The following ENTREP2 variants were observed in gnomAD, a reference collection of about 807,000 sequenced individuals.
The protein encoded by ENTREP2 is endosomal transmembrane epsin interactor 2.
the ENTREP2 span, among the ~76,000 whole-genome samples, chr15:29,416,701 TG>T: frequency 1.3e-5 from 2 of 151,888 alleles, no homozygotes; most frequent in African/African-American, 4.8e-5. Flanking sequence ...ACCATCAGAG[TG>T]AACAGGCAAC....
chr15:29,441,956 T>G, the ENTREP2 span, among the ~76,000 whole-genome samples: 959 of 152,218 alleles, frequency 6.3e-3, 7 homozygotes, highest in African/African-American at 0.023. Flanking sequence ...CACCCAACAT[T>G]TCCCATGAGC....
chr15:29,136,480 A>G, the ENTREP2 span: 3 of 1,548,532 alleles, frequency 1.9e-6, no homozygotes, highest in Non-Finnish European at 2.6e-6. Flanking sequence ...ATGGAGACGG[A>G]GCAAAGTCCA....
At chr15:29,168,628 G>A in the ENTREP2 span, among the ~76,000 whole-genome samples, 1 of 152,210 alleles carries the variant, frequency 6.6e-6, no homozygotes, top group Non-Finnish European at 1.5e-5. Flanking sequence ...GAGAAGGTAA[G>A]TGATTCATAG....
At chr15:29,292,356 C>A in the ENTREP2 span, among the ~76,000 whole-genome samples, 1 of 145,196 alleles carries the variant, frequency 6.9e-6, no homozygotes, top group African/African-American at 2.5e-5. Context: ...TCTTTCCTTC[C>A]TTCCTTCCTT....
At chr15:29,307,383 C>G in the ENTREP2 span, among the ~76,000 whole-genome samples, 2 of 152,084 alleles carry the variant, frequency 1.3e-5, no homozygotes, top group Admixed American at 6.5e-5. Flanking sequence ...CACTTTAACA[C>G]TGAAAGATGA....
At chr15:29,225,706 C>T in the ENTREP2 span, among the ~76,000 whole-genome samples, 5 of 152,320 alleles carry the variant, frequency 3.3e-5, no homozygotes, top group East Asian at 5.8e-4. Context: ...ACAACGCCCA[C>T]GGAACCGGGG....
chr15:29,602,322 G>T, the ENTREP2 span, among the ~76,000 whole-genome samples: 22 of 152,126 alleles, frequency 1.4e-4, no homozygotes, highest in African/African-American at 5.3e-4. Flanking sequence ...GAACTGTGTA[G>T]ATGTAACACA....
the ENTREP2 span, among the ~76,000 whole-genome samples, chr15:29,226,351 T>C: frequency 6.6e-6 from 1 of 152,228 alleles, no homozygotes; most frequent in Non-Finnish European, 1.5e-5. Context: ...GGAATCTCTT[T>C]ATCTATAATA....
the ENTREP2 span, among the ~76,000 whole-genome samples, chr15:29,256,291 C>T: frequency 3.9e-5 from 6 of 152,088 alleles, no homozygotes; most frequent in Admixed American, 6.6e-5. Flanking sequence ...ATGCAACACA[C>T]CCAGGTAACA....
chr15:29,160,511 C>G, the ENTREP2 span, among the ~76,000 whole-genome samples: 25 of 152,098 alleles, frequency 1.6e-4, no homozygotes, highest in Non-Finnish European at 2.8e-4. Flanking sequence ...GAGTTTGAAA[C>G]CAGCCTGGCC....
chr15:29,503,088 C>A, the ENTREP2 span, among the ~76,000 whole-genome samples: 1 of 152,038 alleles, frequency 6.6e-6, no homozygotes, highest in Admixed American at 6.6e-5. Flanking sequence ...TGTAATTCTA[C>A]CCTTACATAT....
the ENTREP2 span, among the ~76,000 whole-genome samples, chr15:29,194,453 G>A: frequency 2.2e-3 from 330 of 152,304 alleles, 1 homozygote; most frequent in African/African-American, 7.7e-3. Context: ...AAATTCATGA[G>A]GGAGTTTAAA....
the ENTREP2 span, among the ~76,000 whole-genome samples, chr15:29,293,878 C>A: frequency 1.3e-5 from 2 of 152,232 alleles, no homozygotes; most frequent in Non-Finnish European, 2.9e-5. Context: ...CGCTGCCATG[C>A]CCAAGACAGT....
At chr15:29,672,962 C>A in the ENTREP2 span, among the ~76,000 whole-genome samples, 1 of 152,082 alleles carries the variant, frequency 6.6e-6, no homozygotes, top group African/African-American at 2.4e-5. Flanking sequence ...TACTTAGTTA[C>A]TTCTTGATTA....
At chr15:29,300,157 TGGA>T in the ENTREP2 span, among the ~76,000 whole-genome samples, 1 of 104,384 alleles carries the variant, frequency 9.6e-6, no homozygotes, top group African/African-American at 6.7e-5. Flanking sequence ...GGATAATGGA[TGGA>T]TGGATGGATG....
At chr15:29,182,888 T>C in the ENTREP2 span, among the ~76,000 whole-genome samples, 2 of 151,848 alleles carry the variant, frequency 1.3e-5, no homozygotes, top group East Asian at 1.9e-4. Flanking sequence ...TAGAAACAGA[T>C]TGGTGCTGTA....
At chr15:29,547,780 T>C in the ENTREP2 span, among the ~76,000 whole-genome samples, 1 of 152,184 alleles carries the variant, frequency 6.6e-6, no homozygotes, top group African/African-American at 2.4e-5. Flanking sequence ...AAGAGAGATA[T>C]CTGTACACCC....
At chr15:29,130,357 C>G in the ENTREP2 span, among the ~76,000 whole-genome samples, 1 of 152,164 alleles carries the variant, frequency 6.6e-6, no homozygotes, top group African/African-American at 2.4e-5. Context: ...TCATTATGTG[C>G]CAATAACCAG....
chr15:29,592,381 C>CT, the ENTREP2 span, among the ~76,000 whole-genome samples: 1 of 152,166 alleles, frequency 6.6e-6, no homozygotes, highest in Non-Finnish European at 1.5e-5. Flanking sequence ...AACGTATTGG[C>CT]TCATGGCTCT....
Sources: gnomAD v4.1 joint callset for allele counts (sites outside exome capture counted in the v4.1 genomes callset) on GRCh38, gnomAD v4.1.1 for gene constraint, MANE v1.5 for transcripts, NCBI Gene and HGNC (gene_info 2026-07-23, HGNC 2026-07-21) for gene names.